SPATA17: variants seen among roughly 807,000 people sequenced by gnomAD.
SPATA17 encodes spermatogenesis-associated protein 17.
Under a neutral mutation model 62.2 loss-of-function variants are expected in SPATA17, and 53 were observed. That is an observed-to-expected ratio of 0.85 (90% confidence interval 0.68 to 1.07). The LOEUF (loss-of-function observed/expected upper bound fraction) is 1.07. Among genes scored for constraint, SPATA17 ranks in the 50% least tolerant of loss-of-function variants. The pLI, the probability that SPATA17 is intolerant of heterozygous loss-of-function variation, is 0.00. For missense variants in SPATA17, 466 were observed against 425.5 expected, an observed-to-expected ratio of 1.10 and a Z score of -0.84; for synonymous variants, 146 against 146.8, an observed-to-expected ratio of 0.99 and a Z score of 0.04.
intron 8 of SPATA17, among the ~76,000 whole-genome samples, chr1:217,788,903 C>G (rs1673926900): frequency 6.6e-6 from 1 of 152,136 alleles, no homozygotes; most frequent in African/African-American, 2.4e-5. Context: ...GTTTTCAAAT[C>G]AAGAAGCTAC....
intron 5 of SPATA17, among the ~76,000 whole-genome samples, chr1:217,730,000 G>T (rs1672364532): frequency 6.6e-6 from 1 of 152,130 alleles, no homozygotes; most frequent in Non-Finnish European, 1.5e-5. Context: ...CAAAGGACAT[G>T]GGGACCACAG....
chr1:217,862,511 C>A (rs989886424), intron 9 of SPATA17, among the ~76,000 whole-genome samples: 1 of 152,108 alleles, frequency 6.6e-6, no homozygotes, highest in Non-Finnish European at 1.5e-5. Context: ...GTGGATATGC[C>A]TGAGGTTTGC....
chr1:217,716,100 C>T (rs1052186124), intron 5 of SPATA17, among the ~76,000 whole-genome samples: 1 of 152,036 alleles, frequency 6.6e-6, no homozygotes, highest in African/African-American at 2.4e-5. Flanking sequence ...CTTGCTCTGG[C>T]AGAAAAATAT....
chr1:217,735,736 G>A (rs1004730112), intron 5 of SPATA17, among the ~76,000 whole-genome samples: 3 of 151,940 alleles, frequency 2.0e-5, no homozygotes, highest in Non-Finnish European at 4.4e-5. Flanking sequence ...TGTGTTTTTT[G>A]TTCTTGACTT....
chr1:217,737,251 G>A (rs1014488870), intron 5 of SPATA17, among the ~76,000 whole-genome samples: 5 of 152,130 alleles, frequency 3.3e-5, no homozygotes, highest in African/African-American at 1.2e-4. Flanking sequence ...GACTATGAAA[G>A]TATTAAATGA....
chr1:217,753,164 G>T (rs1454295807), intron 6 of SPATA17, among the ~76,000 whole-genome samples: 4 of 152,044 alleles, frequency 2.6e-5, no homozygotes, highest in African/African-American at 9.7e-5. Context: ...TGAACAAATT[G>T]CCAGGGTCCT....
At chr1:217,678,774 G>A (rs569698644) in intron 4 of SPATA17, among the ~76,000 whole-genome samples, 83 of 152,224 alleles carry the variant, frequency 5.5e-4, no homozygotes, top group African/African-American at 1.8e-3. Flanking sequence ...GAACTTGCCC[G>A]TTAACAAGCT....
chr1:217,702,840 G>A (rs1252256907), intron 5 of SPATA17, among the ~76,000 whole-genome samples: 2 of 151,718 alleles, frequency 1.3e-5, no homozygotes, highest in African/African-American at 4.8e-5. Context: ...ATAAAATTCT[G>A]AGATGACAAA....
At chr1:217,837,075 T>A (rs1675277657) in intron 9 of SPATA17, among the ~76,000 whole-genome samples, 3 of 152,054 alleles carry the variant, frequency 2.0e-5, no homozygotes, top group Admixed American at 2.0e-4. Context: ...CCTGTAATAT[T>A]TTTTGGATAT....
chr1:217,766,517 T>A (rs4322290), intron 6 of SPATA17, among the ~76,000 whole-genome samples: 42,258 of 151,726 alleles, frequency 0.28, 6,308 homozygotes, highest in East Asian at 0.53. Context: ...ATTATTGTCA[T>A]TTATTATACT....
intron 4 of SPATA17, among the ~76,000 whole-genome samples, chr1:217,682,790 T>A (rs1212972050): frequency 1.3e-5 from 2 of 152,158 alleles, no homozygotes. Context: ...TAAAATGTCA[T>A]AATTAAGATA....
rs140996309 is a variant in SPATA17, at chr1:217,633,354, A to G, written c.68+1908A>G. On this transcript the variant is annotated intron_variant, in intron 1 of 10. Transcript: ENST00000366933. Reference sequence around the variant, plus strand: ...TATGATATTTCACTTGGTTATCACAATGTTATAAGTTAATGTAGAAATTAT... The same window carrying G: ...TATGATATTTCACTTGGTTATCACAGTGTTATAAGTTAATGTAGAAATTAT... Among the ~76,000 whole-genome samples the G allele has an allele frequency of 8.7e-3, 1,322 of 152,278 alleles. 9 individuals carry two copies. Among genetic ancestry groups the G allele is most frequent in the Middle Eastern group, 0.017 (5 of 294 alleles).
intron 8 of SPATA17, among the ~76,000 whole-genome samples, chr1:217,791,218 CA>C (rs895769752): frequency 3.3e-5 from 5 of 152,136 alleles, no homozygotes; most frequent in African/African-American, 1.2e-4. Flanking sequence ...AGTTACTGTG[CA>C]AATCGTATTA....
intron 3 of SPATA17, among the ~76,000 whole-genome samples, chr1:217,663,042 T>C (rs1670604362): frequency 6.6e-6 from 1 of 152,210 alleles, no homozygotes; most frequent in Non-Finnish European, 1.5e-5. Flanking sequence ...AATTATAATA[T>C]AAGTTTAGAT....
intron 6 of SPATA17, among the ~76,000 whole-genome samples, chr1:217,763,398 A>T (rs1201665506): frequency 1.5e-5 from 1 of 65,696 alleles, no homozygotes; most frequent in African/African-American, 7.5e-5. Context: ...AAGCAGATGG[A>T]AAAAAAAAAA....
intron 9 of SPATA17, among the ~76,000 whole-genome samples, chr1:217,842,532 A>G (rs1301718151): frequency 6.6e-6 from 1 of 151,708 alleles, no homozygotes; most frequent in Non-Finnish European, 1.5e-5. Context: ...TTTTCATTTG[A>G]CCTATTCAAC....
chr1:217,721,460 T>G (rs12090616), intron 5 of SPATA17, among the ~76,000 whole-genome samples: 28,534 of 152,066 alleles, frequency 0.19, 2,958 homozygotes, highest in African/African-American at 0.28. Flanking sequence ...GTAAGCACTG[T>G]CAACTTAATT....
At chr1:217,696,313 A>T (rs1046418485) in intron 5 of SPATA17, among the ~76,000 whole-genome samples, 4 of 152,132 alleles carry the variant, frequency 2.6e-5, no homozygotes, top group African/African-American at 9.7e-5. Flanking sequence ...TGACCCCTTG[A>T]GCTTCCCAGG....
intron 9 of SPATA17, among the ~76,000 whole-genome samples, chr1:217,845,781 G>C (rs1336370565): frequency 6.6e-6 from 1 of 152,010 alleles, no homozygotes; most frequent in East Asian, 1.9e-4. Flanking sequence ...AGACTTGCTG[G>C]TATAAATTGT....
Sources: gnomAD v4.1 joint callset for allele counts (sites outside exome capture counted in the v4.1 genomes callset) on GRCh38, gnomAD v4.1.1 for gene constraint, MANE v1.5 for transcripts, NCBI Gene and HGNC (gene_info 2026-07-23, HGNC 2026-07-21) for gene names.